The following SEC22C variants were observed in gnomAD, a reference collection of about 807,000 sequenced individuals.
SEC22C encodes the protein SEC22 homolog C, vesicle trafficking protein.
SEC22C carries 29 observed loss-of-function variants against 34.7 expected under a neutral mutation model. The ratio of observed to expected loss-of-function variants is 0.84; its 90% CI spans 0.62 to 1.14. The LOEUF is 1.14. Ranked by LOEUF, SEC22C falls within the 50% of genes most tolerant of loss-of-function variation. The pLI is 0.00. For missense variants in SEC22C, 337 were observed against 369.0 expected (o/e 0.91, Z 0.71); for synonymous variants, 117 against 132.8 (o/e 0.88, Z 0.82).
rs1399866574 is a variant in SEC22C at position 42,551,237 on chromosome 3, A to G, written c.*2011T>C. ...CATCTCTTCAAAATTGTCTCCCAGA[A>G]AAACTGAAAATTCACCTGCTGGGTA... On this transcript the variant is annotated 3_prime_UTR_variant, in exon 7 of 7. Transcript: ENST00000264454. The G allele has an allele frequency of 8.3e-5, 82 of 985,444 alleles. No individual in the cohort carries two copies. Among genetic ancestry groups the G allele is most frequent in the Non-Finnish European group, 9.9e-5 (82 of 829,930 alleles). 61.0% of individuals were successfully genotyped at this position (985,444 alleles called of 1,614,324 possible). A position where few individuals can be genotyped will look rare whatever the true frequency, so the allele number is the denominator to read the frequency against.
intron 4 of SEC22C, among the ~76,000 whole-genome samples, chr3:42,558,089 G>C (rs145777122): frequency 5.4e-4 from 82 of 152,316 alleles, no homozygotes; most frequent in African/African-American, 1.7e-3. Context: ...CTAGTGGATA[G>C]AGGCCAGGAA....
chr3:42,563,888 T>C (rs1029594910), intron 2 of SEC22C: 1 of 1,463,216 alleles, frequency 6.8e-7, no homozygotes, highest in African/African-American at 1.4e-5. Flanking sequence ...TGTCTAGTAG[T>C]CTTAATCAAT....
At chr3:42,598,821 C>T (rs1482749422) in intron 1 of SEC22C, among the ~76,000 whole-genome samples, 1 of 151,134 alleles carries the variant, frequency 6.6e-6, no homozygotes, top group Non-Finnish European at 1.5e-5. Context: ...ATGGGAGGTA[C>T]TGAGGGTTGT....
intron 1 of SEC22C, chr3:42,590,779 A>T: frequency 1.9e-6 from 2 of 1,040,590 alleles, no homozygotes; most frequent in African/African-American, 3.1e-5. Context: ...CCAGTCACAA[A>T]TGACGTCCCT....
At chr3:42,573,746 GAGA>G (rs962581326) in intron 1 of SEC22C, among the ~76,000 whole-genome samples, 4 of 152,208 alleles carry the variant, frequency 2.6e-5, no homozygotes, top group African/African-American at 9.6e-5. Flanking sequence ...TGGGGGGGAG[GAGA>G]AGAATGAATG....
intron 6 of SEC22C, among the ~76,000 whole-genome samples, chr3:42,554,909 G>A (rs1403448783): frequency 1.3e-5 from 2 of 151,874 alleles, no homozygotes; most frequent in Admixed American, 1.3e-4. Context: ...AAACCCTCTA[G>A]TTAATGTTCT....
chr3:42,566,129 T>C (rs1339889657), intron 2 of SEC22C, among the ~76,000 whole-genome samples: 2 of 152,136 alleles, frequency 1.3e-5, no homozygotes, highest in South Asian at 2.1e-4. Context: ...AAGGACAGCA[T>C]GTTCAGCATG....
At chr3:42,594,546 G>GTAA in intron 1 of SEC22C, 1 of 1,539,666 alleles carries the variant, frequency 6.5e-7, no homozygotes, top group Non-Finnish European at 9.0e-7. Flanking sequence ...CCATTTGGCT[G>GTAA]TCGTGAGGAG....
chr3:42,574,363 CAAAAAAAAA>C lies in SEC22C; in HGVS notation c.-27-5299_-27-5291del, dbSNP rs202174342. 5.7e-5 allele frequency among the ~76,000 whole-genome samples: 5 copies of C among 87,896 alleles called. No individual in the cohort carries two copies. In the Admixed American group the frequency reaches 7.0e-4, roughly 12 times the overall value. 57.7% of individuals were successfully genotyped at this position (87,896 alleles called of 152,430 possible). A position where few individuals can be genotyped will look rare whatever the true frequency, so the allele number is the denominator to read the frequency against. ...TAGGCAACATAGCAAGACCCTGTCTCAAAAAAAAAAAAAAAAAAAGGAATAAAAGAAAAA... is the reference window on the plus strand; with the variant it reads ...TAGGCAACATAGCAAGACCCTGTCTCAAAAAAAAAAGGAATAAAAGAAAAA... On this transcript the variant is annotated intron_variant, in intron 1 of 6. Transcript: ENST00000264454.
chr3:42,551,395 G>T lies in SEC22C; in HGVS notation c.*1853C>A. Reference sequence around the variant, plus strand: ...TTCACTCTGTCATGCAGGCTGGGGTGCAGTGGTGTGATTATAGCTCATGGA... The same window carrying T: ...TTCACTCTGTCATGCAGGCTGGGGTTCAGTGGTGTGATTATAGCTCATGGA... On this transcript the variant is annotated 3_prime_UTR_variant, in exon 7 of 7. Transcript: ENST00000264454. 1.1e-6 allele frequency: 1 copy of T among 948,722 alleles called. No homozygotes were observed. The highest frequency in any genetic ancestry group is 1.3e-6 in the Non-Finnish European group (1 of 796,558). The allele number at this position is 948,722 out of a possible 1,614,324, so 58.8% of individuals were successfully genotyped here.
rs1409215557 is a variant in SEC22C at position 42,551,899 on chromosome 3, T to A, written c.*1349A>T. On this transcript the variant is annotated 3_prime_UTR_variant, in exon 7 of 7. Transcript: ENST00000264454. ...TTAAAAACTATCAAAATAGGATTTT[T>A]AAAAATTTATCAAGACCACATAATG... 10 of 985,092 alleles carry A rather than the reference T, an allele frequency of 1.0e-5. No individual in the cohort carries two copies. The South Asian group carries it at 1.4e-4, about 14-fold the overall frequency. 61.0% of individuals were successfully genotyped at this position (985,092 alleles called of 1,614,324 possible).
At chr3:42,600,934 GCC>G in intron 1 of SEC22C, 1 of 1,140,830 alleles carries the variant, frequency 8.8e-7, no homozygotes, top group Non-Finnish European at 1.2e-6. Context: ...CCCTGCCCTC[GCC>G]CCCGCCCTCG....
chr3:42,561,836 A>G (rs2125704736), intron 3 of SEC22C, among the ~76,000 whole-genome samples: 1 of 152,352 alleles, frequency 6.6e-6, no homozygotes. Flanking sequence ...TAAAAAGGCA[A>G]TAATGCATCA....
intron 1 of SEC22C, chr3:42,591,633 G>A (rs754835901): frequency 1.2e-4 from 181 of 1,471,876 alleles, no homozygotes; most frequent in Non-Finnish European, 1.7e-4. Flanking sequence ...CCCCTGACCT[G>A]TGGGTAGAGG....
Position 42,548,799 on chromosome 3 carries a change from T to C in SEC22C, c.*4449A>G. The C allele has an allele frequency of 1.4e-6, 2 of 1,476,604 alleles. No individual in the cohort carries two copies. The highest frequency in any genetic ancestry group is 1.3e-5 in the South Asian group (1 of 74,154). The allele number at this position is 1,476,604 out of a possible 1,614,324, so 91.5% of individuals were successfully genotyped here. A position where few individuals can be genotyped will look rare whatever the true frequency, so the allele number is the denominator to read the frequency against. ...CACTGTAGTATAACAAAATGCCTTT[T>C]TGTAAAGGCCAGAAGAAATGGCTGT... On this transcript the variant is annotated 3_prime_UTR_variant, in exon 7 of 7. Transcript: ENST00000264454.
At chr3:42,584,237 C>T (rs1419161949), upstream of SEC22C, among the ~76,000 whole-genome samples, 4 of 152,150 alleles carry the variant, frequency 2.6e-5, no homozygotes, top group African/African-American at 7.2e-5. Context: ...GGTTGCAGGT[C>T]AATGTAGAGG....
intron 1 of SEC22C, chr3:42,591,507 C>A (rs1427951048): frequency 6.2e-7 from 1 of 1,608,422 alleles, no homozygotes; most frequent in East Asian, 2.2e-5. Context: ...CTGACCCTTT[C>A]TTTCTCTGAT....
chr3:42,594,177 GGGAGACTA>G (rs1704958420), intron 1 of SEC22C, among the ~76,000 whole-genome samples: 3 of 152,320 alleles, frequency 2.0e-5, no homozygotes, highest in African/African-American at 7.2e-5. Flanking sequence ...AGATAGATCT[GGGAGACTA>G]GGTGTCTACT....
chr3:42,591,621 C>T (rs1270847478), intron 1 of SEC22C: 5 of 1,573,408 alleles, frequency 3.2e-6, no homozygotes, highest in African/African-American at 1.3e-5. Context: ...CCCACCCCCG[C>T]GCCCCTGACC....
Sources: allele counts gnomAD v4.1 joint callset (sites outside exome capture counted in the v4.1 genomes callset), GRCh38; gene constraint gnomAD v4.1.1; transcripts MANE v1.5; gene names NCBI Gene and HGNC (gene_info 2026-07-23, HGNC 2026-07-21).